CNTN5: variants seen among roughly 807,000 people sequenced by gnomAD.
The protein encoded by CNTN5 is contactin 5.
CNTN5 carries 77 observed loss-of-function variants against 129.1 expected under a neutral mutation model. The observed-to-expected ratio is 0.60, with a 90% CI of 0.50 to 0.72. The LOEUF (loss-of-function observed/expected upper bound fraction) is 0.72. Among genes scored for constraint, CNTN5 ranks in the 30% least tolerant of loss-of-function variants. The pLI, the probability that CNTN5 is intolerant of heterozygous loss-of-function variation, is 0.00. For synonymous variants in CNTN5, 509 were observed against 465.6 expected (o/e 1.09, Z -1.20); for missense variants, 1,478 against 1,328.8 (o/e 1.11, Z -1.75).
At chr11:99,508,357 G>T (rs1232310442) in intron 2 of CNTN5, among the ~76,000 whole-genome samples, 2 of 152,006 alleles carry the variant, frequency 1.3e-5, no homozygotes, top group African/African-American at 4.8e-5. Context: ...TAATTTTAAA[G>T]AAAATTGTTG....
chr11:99,504,566 A>G (rs1591178007), intron 2 of CNTN5, among the ~76,000 whole-genome samples: 4 of 152,092 alleles, frequency 2.6e-5, no homozygotes, highest in African/African-American at 9.6e-5. Context: ...AGAAATTAAA[A>G]TATAATTTTA....
intron 15 of CNTN5, among the ~76,000 whole-genome samples, chr11:100,207,743 G>A (rs1948946175): frequency 6.6e-6 from 1 of 152,154 alleles, no homozygotes; most frequent in African/African-American, 2.4e-5. Context: ...GGGACCCTGT[G>A]ACATGCTTTG....
chr11:100,171,771 G>C (rs753526116), intron 13 of CNTN5, among the ~76,000 whole-genome samples: 1 of 151,696 alleles, frequency 6.6e-6, no homozygotes, highest in African/African-American at 2.4e-5. Context: ...GTGCAAAGCC[G>C]AATACTTCCA....
At chr11:100,325,615 C>T (rs569029813) in intron 21 of CNTN5, among the ~76,000 whole-genome samples, 37 of 152,314 alleles carry the variant, frequency 2.4e-4, no homozygotes, top group Non-Finnish European at 1.8e-4. Flanking sequence ...TTCACTCATA[C>T]ATATGAAGCT....
At chr11:99,956,529 T>C (rs1252971471) in intron 7 of CNTN5, among the ~76,000 whole-genome samples, 2 of 136,212 alleles carry the variant, frequency 1.5e-5, no homozygotes, top group Admixed American at 7.2e-5. Flanking sequence ...TTCAGTGTTA[T>C]CATAGTTCTG....
chr11:99,060,276 G>C (rs1271435071), intron 1 of CNTN5, among the ~76,000 whole-genome samples: 1 of 151,690 alleles, frequency 6.6e-6, no homozygotes, highest in East Asian at 1.9e-4. Context: ...CTCAATACCG[G>C]GCTTTTGAAG....
intron 6 of CNTN5, among the ~76,000 whole-genome samples, chr11:99,847,930 A>T (rs1346396807): frequency 6.6e-6 from 1 of 152,100 alleles, no homozygotes; most frequent in Non-Finnish European, 1.5e-5. Context: ...ATTAGTCCGC[A>T]GGCTGGGCGC....
intron 2 of CNTN5, among the ~76,000 whole-genome samples, chr11:99,447,400 TA>T (rs1378264400): frequency 1.3e-5 from 2 of 152,314 alleles, no homozygotes; most frequent in African/African-American, 4.8e-5. Flanking sequence ...GTATCTTAAC[TA>T]TCCTCTTCTA....
At chr11:99,049,427 A>C (rs1864338204) in intron 1 of CNTN5, among the ~76,000 whole-genome samples, 1 of 152,146 alleles carries the variant, frequency 6.6e-6, no homozygotes, top group Admixed American at 6.6e-5. Flanking sequence ...TGGTTACCCT[A>C]ATTCCTTCAT....
chr11:100,246,124 G>T (rs1194243248), intron 16 of CNTN5, among the ~76,000 whole-genome samples: 1 of 151,614 alleles, frequency 6.6e-6, no homozygotes, highest in Admixed American at 6.6e-5. Flanking sequence ...TGTTTTCATT[G>T]ATTTAAAAAA....
intron 13 of CNTN5, among the ~76,000 whole-genome samples, chr11:100,120,683 T>TA (rs1945987738): frequency 6.6e-6 from 1 of 151,942 alleles, no homozygotes; most frequent in Admixed American, 6.6e-5. Flanking sequence ...TTGTAGATTT[T>TA]ATATAAAATA....
intron 3 of CNTN5, among the ~76,000 whole-genome samples, chr11:99,732,439 A>G (rs1026314697): frequency 3.4e-4 from 43 of 124,648 alleles, no homozygotes; most frequent in African/African-American, 1.1e-3. Context: ...ATAACTGAGT[A>G]CTCAGTATAA....
chr11:100,309,077 T>G, intron 21 of CNTN5: 1 of 985,160 alleles, frequency 1.0e-6, no homozygotes, highest in Non-Finnish European at 1.2e-6. Context: ...TATTTTATGA[T>G]AACAAGGTTT....
At chr11:99,548,344 G>A (rs891444427) in intron 2 of CNTN5, among the ~76,000 whole-genome samples, 4 of 152,154 alleles carry the variant, frequency 2.6e-5, no homozygotes, top group Non-Finnish European at 4.4e-5. Context: ...AATTGAAAGA[G>A]GTTCAGAGAG....
chr11:99,434,824 C>A (rs1450738025), intron 2 of CNTN5, among the ~76,000 whole-genome samples: 2 of 152,104 alleles, frequency 1.3e-5, no homozygotes, highest in Non-Finnish European at 2.9e-5. Flanking sequence ...TTATGCTAGG[C>A]ATGTTGTTTT....
rs942952018 is a variant in CNTN5 at position 100,053,630 on chromosome 11, A to C, written c.981-7582A>C. 2.0e-5 allele frequency among the ~76,000 whole-genome samples: 3 copies of C among 151,792 alleles called. No individual in the cohort carries two copies. In the East Asian group the frequency reaches 5.8e-4, roughly 29 times the overall value. On this transcript the variant is annotated intron_variant, in intron 9 of 24. Coordinates refer to ENST00000524871, the MANE Select transcript of CNTN5 (RefSeq NM_014361.4). Reference sequence around the variant, plus strand: ...TTCCTACACTGTTGGTAGACATGTTAAATTATACAGGTACAATGGAAAAAT... The same window carrying C: ...TTCCTACACTGTTGGTAGACATGTTCAATTATACAGGTACAATGGAAAAAT...
intron 6 of CNTN5, among the ~76,000 whole-genome samples, chr11:99,884,775 A>G (rs1202539816): frequency 6.6e-6 from 1 of 152,130 alleles, no homozygotes; most frequent in Non-Finnish European, 1.5e-5. Flanking sequence ...TCAGGAATTC[A>G]AGAACAGCCT....
intron 15 of CNTN5, among the ~76,000 whole-genome samples, chr11:100,223,042 G>C (rs1308222412): frequency 6.6e-6 from 1 of 152,114 alleles, no homozygotes; most frequent in Non-Finnish European, 1.5e-5. Context: ...TCTGATTTGA[G>C]AGAAGTAAGC....
intron 1 of CNTN5, among the ~76,000 whole-genome samples, chr11:99,201,405 T>G (rs1859198621): frequency 6.9e-6 from 1 of 144,702 alleles, no homozygotes. Flanking sequence ...CTTCCCTTCT[T>G]TCTTCCTTTC....
Sources: allele counts gnomAD v4.1 joint callset (sites outside exome capture counted in the v4.1 genomes callset), GRCh38; gene constraint gnomAD v4.1.1; transcripts MANE v1.5; gene names NCBI Gene and HGNC (gene_info 2026-07-23, HGNC 2026-07-21).